The following SYCE1L variants were observed in gnomAD, a reference collection of about 807,000 sequenced individuals.
SYCE1L encodes synaptonemal complex central element protein 1 like.
SYCE1L carries 51 observed loss-of-function variants against 39.6 expected under a neutral mutation model. That is an observed-to-expected ratio of 1.29 (90% CI 1.03 to 1.63). SYCE1L has a LOEUF of 1.63. SYCE1L is among the 40% of genes most tolerant of loss of function. SYCE1L has a pLI of 0.00. For missense variants in SYCE1L, 426 were observed against 304.9 expected (o/e 1.40, Z -2.96); for synonymous variants, 147 against 122.4 (o/e 1.20, Z -1.33).
chr16:77,212,561 C>T lies in SYCE1L; in HGVS notation c.582-13C>T. On this transcript the variant is annotated splice_polypyrimidine_tract_variant and intron_variant, in intron 9 of 10. Transcript: ENST00000378644. ...GCTCTCTTCCTCCTGTCTCCTCGGC[C>T]CCTTCTCCGCAGGCTGAAGGCGGAG... 2.6e-6 allele frequency: 4 copies of T among 1,536,818 alleles called. No individual in the cohort carries two copies. The highest frequency in any genetic ancestry group is 3.5e-6 in the Non-Finnish European group (4 of 1,146,614).
intron 1 of SYCE1L, among the ~76,000 whole-genome samples, chr16:77,203,466 CA>C (rs56277205): frequency 0.63 from 95,753 of 151,124 alleles, 30,870 homozygotes; most frequent in Non-Finnish European, 0.7. Flanking sequence ...CCAAATATTT[CA>C]AAAAAAAATC....
Position 77,212,941 on chromosome 16 carries a change from ACC to A in SYCE1L, c.*12_*13del, listed in dbSNP as rs1182620805. ...CCCTGACGCCCTCTAGGCCAGCAGG[ACC>A]CGCCCGTTCCCGACCTTCCCTCGAG... On this transcript the variant is annotated 3_prime_UTR_variant, in exon 11 of 11. Transcript: ENST00000378644. 6.7e-7 allele frequency: 1 copy of A among 1,501,676 alleles called. No homozygotes were observed. The highest frequency in any genetic ancestry group is 1.4e-5 in the African/African-American group (1 of 70,694). 93.0% of individuals were successfully genotyped at this position (1,501,676 alleles called of 1,614,324 possible).
At chr16:77,207,554 C>CA (rs1345511578) in intron 2 of SYCE1L, among the ~76,000 whole-genome samples, 3 of 152,188 alleles carry the variant, frequency 2.0e-5, no homozygotes, top group African/African-American at 7.2e-5. Context: ...CCCAGACTGA[C>CA]AGAGTGACAA....
At chr16:77,208,901 C>T (rs2054804444) in intron 4 of SYCE1L, among the ~76,000 whole-genome samples, 196 bp from the exon 5 acceptor site, 1 of 152,180 alleles carries the variant, frequency 6.6e-6, no homozygotes. Flanking sequence ...TCAACATTTA[C>T]AAAGAATGTG....
chr16:77,212,858 C>T lies in SYCE1L; in HGVS notation c.656C>T (p.Ala219Val). 2 of 1,507,416 alleles carry T rather than the reference C, an allele frequency of 1.3e-6. No individual in the cohort carries two copies. The highest frequency in any genetic ancestry group is 2.1e-5 in the Admixed American group (1 of 48,260). The allele number at this position is 1,507,416 out of a possible 1,614,324, so 93.4% of individuals were successfully genotyped here. A position where few individuals can be genotyped will look rare whatever the true frequency, so the allele number is the denominator to read the frequency against. ...GCAGCCTCACCCAGCCCCCGGCAGG[C>T]CGGACCTGAGCTCCCCCGCGCTCGC... ...APEVGAGEGE[A>V]GPELPRARDE... Residue 219 changes from alanine to valine, a missense_variant and splice_region_variant, in exon 11 of 11, where the codon GCC becomes GTC. Transcript: ENST00000378644.
At chr16:77,207,375 G>A (rs1017307632) in intron 2 of SYCE1L, among the ~76,000 whole-genome samples, 4 of 151,718 alleles carry the variant, frequency 2.6e-5, no homozygotes, top group Non-Finnish European at 4.4e-5. Context: ...GCCAGAGAGG[G>A]ATGAGAAGGA....
In SYCE1L at chr16:77,200,291, T is replaced by TATATATATATATATATATATATATAC; in HGVS notation, c.61+780_61+781insTATATATATATATATATATATATACA. On this transcript the variant is annotated intron_variant, in intron 1 of 10. Transcript: ENST00000378644. ...ATATATGTGTATATATATATATATA[T>TATATATATATATATATATATATATAC]ACACACACTAATCAGCCGGGCGCGG... is the stretch of plus-strand genomic sequence containing the variant. The TATATATATATATATATATATATATAC allele has an allele frequency of 8.9e-3, 977 of 109,956 alleles. 34 individuals carry two copies. The highest frequency in any genetic ancestry group is 0.013 in the South Asian group (48 of 3,636). 6.8% of individuals were successfully genotyped at this position (109,956 alleles called of 1,614,324 possible). A position where few individuals can be genotyped will look rare whatever the true frequency, so the allele number is the denominator to read the frequency against.
Position 77,212,916 on chromosome 16 carries a change from C to A in SYCE1L, c.714C>A (p.Ala238=). Residue 238 remains alanine (A), a synonymous_variant, in exon 11 of 11, where the codon GCC becomes GCA. Transcript: ENST00000378644. ...AGGATCCCGAGCCGCCGGTGGCTGC[C>A]CCTGACGCCCTCTAGGCCAGCAGGA... is the stretch of plus-strand genomic sequence containing the variant. The part of the protein sequence containing the change: ...DEEDPEPPVA[A]PDAL 1 of 1,530,458 alleles carries A rather than the reference C, an allele frequency of 6.5e-7. No homozygotes were observed. The highest frequency in any genetic ancestry group is 1.4e-5 in the African/African-American group (1 of 72,442). 94.8% of individuals were successfully genotyped at this position (1,530,458 alleles called of 1,614,324 possible).
intron 7 of SYCE1L, 39 bp from the exon 8 acceptor site, chr16:77,212,091 G>A: frequency 6.5e-7 from 1 of 1,536,078 alleles, no homozygotes; most frequent in Non-Finnish European, 8.8e-7. Flanking sequence ...GTAGCCAAGA[G>A]GACGGCCAAA....
chr16:77,203,167 G>A (rs2054758740), intron 1 of SYCE1L, among the ~76,000 whole-genome samples: 1 of 152,146 alleles, frequency 6.6e-6, no homozygotes, highest in African/African-American at 2.4e-5. Flanking sequence ...GAATAAGAAA[G>A]TAAAAATTAA....
chr16:77,205,621 G>A lies in SYCE1L; in HGVS notation c.62-820G>A, dbSNP rs1234166878. On this transcript the variant is annotated intron_variant, in intron 1 of 10. Coordinates refer to ENST00000378644, the MANE Select transcript of SYCE1L (RefSeq NM_001129979.3). ...TGTGGAAGAAACCAGGTTTTCTTGT[G>A]CAGTTTCCCACAGTCCACGTGATGT... Among the ~76,000 whole-genome samples the A allele has an allele frequency of 4.6e-5, 7 of 151,914 alleles. No individual in the cohort carries two copies. The South Asian group carries it at 6.2e-4, about 14-fold the overall frequency.
At chr16:77,206,726 C>G (rs72798552) in intron 2 of SYCE1L, among the ~76,000 whole-genome samples, 15,856 of 152,112 alleles carry the variant, frequency 0.1, 1,036 homozygotes, top group East Asian at 0.29. Flanking sequence ...ACTCCCTCCC[C>G]CCACACACCA....
chr16:77,209,318 G>A (rs1313287898), intron 5 of SYCE1L, 99 bp from the exon 6 acceptor site: 1 of 1,406,866 alleles, frequency 7.1e-7, no homozygotes, highest in South Asian at 1.2e-5. Flanking sequence ...AGTCCTCACA[G>A]TGCCCTCCAA....
intron 1 of SYCE1L, chr16:77,200,256 G>GTGTATA (rs1555502396): frequency 2.4e-5 from 2 of 83,616 alleles, no homozygotes; most frequent in Non-Finnish European, 2.8e-5. Flanking sequence ...ATGTATATGT[G>GTGTATA]TATATATATA....
intron 2 of SYCE1L, among the ~76,000 whole-genome samples, chr16:77,206,773 T>A (rs2054788489): frequency 6.6e-6 from 1 of 152,124 alleles, no homozygotes; most frequent in South Asian, 2.1e-4. Context: ...AAGCAGCTAT[T>A]GTTTTTCAAT....
At chr16:77,204,996 G>A (rs1485201274) in intron 1 of SYCE1L, among the ~76,000 whole-genome samples, 2 of 146,342 alleles carry the variant, frequency 1.4e-5, no homozygotes, top group Non-Finnish European at 3.0e-5. Flanking sequence ...AGTGAGCTGA[G>A]ATCGTGCCAC....
chr16:77,209,609 T>G (rs1442649968), intron 6 of SYCE1L, 138 bp downstream of exon 6: 1 of 862,512 alleles, frequency 1.2e-6, no homozygotes, highest in Non-Finnish European at 1.8e-6. Flanking sequence ...ACAAAAGATT[T>G]CCTTGGTTAT....
chr16:77,206,556 T>C, intron 2 of SYCE1L, 56 bp downstream of exon 2: 1 of 1,528,178 alleles, frequency 6.5e-7, no homozygotes, highest in Non-Finnish European at 8.9e-7. Flanking sequence ...CAGAAAGACA[T>C]GGTACAAATT....
Position 77,212,447 on chromosome 16 carries a change from C to T in SYCE1L, c.581+78C>T, listed in dbSNP as rs560291074. 2.4e-5 allele frequency: 37 copies of T among 1,537,534 alleles called. No individual in the cohort carries two copies. In the South Asian group the frequency reaches 4.4e-4, roughly 18 times the overall value. ...AACCCGCCCAGGTCCCCCGCTCCGCCCCCGACTGCCGCTTCCCCGGCCTGT... is the reference window on the plus strand; with the variant it reads ...AACCCGCCCAGGTCCCCCGCTCCGCTCCCGACTGCCGCTTCCCCGGCCTGT... On this transcript the variant is annotated intron_variant, in intron 9 of 10. Transcript: ENST00000378644.
Sources: allele counts gnomAD v4.1 joint callset (sites outside exome capture counted in the v4.1 genomes callset), GRCh38; gene constraint gnomAD v4.1.1; transcripts MANE v1.5; gene names NCBI Gene and HGNC (gene_info 2026-07-23, HGNC 2026-07-21).